MYCBP2: variants seen among roughly 807,000 people sequenced by gnomAD.
MYCBP2 encodes MYC binding protein 2.
Under a neutral mutation model 525.3 loss-of-function variants are expected in MYCBP2, and 120 were observed. That is an observed-to-expected ratio of 0.23 (90% CI 0.20 to 0.27). The LOEUF is 0.27. Ranked by LOEUF, MYCBP2 falls within the 10% of genes least tolerant of loss-of-function variation. MYCBP2 has a pLI of 1.00. For missense variants in MYCBP2, 4,149 were observed against 5,657.1 expected (o/e 0.73, Z 8.55); for synonymous variants, 1,894 against 1,955.8 (o/e 0.97, Z 0.83).
At chr13:77,227,635 A>G (rs2066484437) in intron 18 of MYCBP2, among the ~76,000 whole-genome samples, 1 of 152,218 alleles carries the variant, frequency 6.6e-6, no homozygotes, top group Non-Finnish European at 1.5e-5. Context: ...TAACATAGAA[A>G]ATACATTGTG....
chr13:77,240,532 T>C (rs1230927873), intron 17 of MYCBP2, among the ~76,000 whole-genome samples: 2 of 152,092 alleles, frequency 1.3e-5, no homozygotes, highest in Non-Finnish European at 2.9e-5. Flanking sequence ...CGCTTGAACC[T>C]GGGAGGGAGA....
intron 14 of MYCBP2, among the ~76,000 whole-genome samples, chr13:77,252,410 TAAGA>T (rs776414589): frequency 5.3e-5 from 8 of 152,178 alleles, no homozygotes; most frequent in Non-Finnish European, 1.2e-4. Flanking sequence ...TATAATGTAG[TAAGA>T]AAGACAGACA....
At chr13:77,162,411 T>A (rs182054489) in intron 43 of MYCBP2, among the ~76,000 whole-genome samples, 11 of 152,340 alleles carry the variant, frequency 7.2e-5, no homozygotes, top group Middle Eastern at 3.4e-3. Flanking sequence ...TATTAGTTAA[T>A]ATAGAACATA....
Position 77,081,223 on chromosome 13 carries a change from C to T in MYCBP2, c.11418+204G>A. 1.8e-6 allele frequency: 1 copy of T among 552,768 alleles called. No individual in the cohort carries two copies. Among genetic ancestry groups the T allele is most frequent in the Non-Finnish European group, 3.2e-6 (1 of 313,736 alleles). 34.2% of individuals were successfully genotyped at this position (552,768 alleles called of 1,614,324 possible). On this transcript the variant is annotated intron_variant, in intron 65 of 82. Coordinates refer to ENST00000544440, the MANE Select transcript of MYCBP2 (RefSeq NM_015057.5). This position sits in a 1 kb window ranked among gnomAD's most constrained non-coding sequence, Gnocchi z 4.6. ...AGCCATGGTATATTTGTAATCAGAC[C>T]TCTTTTCAGAAATGGAATTCCACAG...
At chr13:77,319,823 T>A (rs557082081) in intron 1 of MYCBP2, among the ~76,000 whole-genome samples, 64 of 152,200 alleles carry the variant, frequency 4.2e-4, no homozygotes, top group Non-Finnish European at 7.9e-4. Flanking sequence ...AGCCAGCCAA[T>A]AATCCAGCTT....
chr13:77,139,974 A>G, intron 51 of MYCBP2, 73 bp downstream of exon 51: 1 of 920,760 alleles, frequency 1.1e-6, no homozygotes, highest in Non-Finnish European at 1.6e-6. Flanking sequence ...AAACTCAGTA[A>G]CCTTATTATT....
intron 65 of MYCBP2, among the ~76,000 whole-genome samples, chr13:77,079,827 C>T (rs896336401): frequency 2.6e-5 from 4 of 152,158 alleles, no homozygotes; most frequent in Non-Finnish European, 4.4e-5. Flanking sequence ...GTTTCAGATT[C>T]TGTAGCATTT....
chr13:77,323,534 T>C (rs1359415822), intron 1 of MYCBP2, among the ~76,000 whole-genome samples: 1 of 152,210 alleles, frequency 6.6e-6, no homozygotes, highest in Non-Finnish European at 1.5e-5. Flanking sequence ...TTACCTAAAA[T>C]AGCCCCACTA....
chr13:77,295,621 C>A (rs1199959074), intron 2 of MYCBP2, among the ~76,000 whole-genome samples: 3 of 152,138 alleles, frequency 2.0e-5, no homozygotes, highest in Non-Finnish European at 4.4e-5. Context: ...ACAGGCCCAG[C>A]AAATCTATTG....
In MYCBP2 at chr13:77,270,340, C is replaced by T. The variant is rs773341917; in HGVS notation, c.1144G>A (p.Asp382Asn). Residue 382 changes from aspartate to asparagine, a missense_variant, in exon 6 of 83, where the codon GAT (aspartate) becomes AAT (asparagine). This residue lies in a region of MYCBP2 where 262 missense variants were observed against 419.3 expected (regional missense o/e 0.62). Coordinates refer to ENST00000544440, the MANE Select transcript of MYCBP2 (RefSeq NM_015057.5). Reference sequence around the variant, plus strand: ...CCAGAGCCTATTTTATATAATCCATCCTTGCATAATAGATAAAGAAAAAAT... The same window carrying T: ...CCAGAGCCTATTTTATATAATCCATTCTTGCATAATAGATAAAGAAAAAAT... ...DGFFLYLLCK[D>N]GLYKIGSGYS... 7.4e-6 allele frequency: 12 copies of T among 1,613,494 alleles called. No homozygotes were observed. In the South Asian group the frequency reaches 9.9e-5, roughly 13 times the overall value.
chr13:77,279,295 A>T (rs1413485422), intron 3 of MYCBP2, among the ~76,000 whole-genome samples: 2 of 152,228 alleles, frequency 1.3e-5, no homozygotes, highest in African/African-American at 2.4e-5. Context: ...TATTATTTAT[A>T]GTTGGTATCC....
rs2046445502 is a variant in MYCBP2, at chr13:77,097,568, T to C, written c.9586A>G (p.Lys3196Glu). ...SPGSCAVLKK[K>E]ECEKENKKSK... ...TTCTTATTCTCTTTCTCACACTCTT[T>C]CTTTTTAAGAACTGCACAGGAACCA... Residue 3196 changes from lysine to glutamate, a missense_variant, in exon 56 of 83, where the codon AAA becomes GAA. Physicochemically the swap from Lys to Glu is moderately conservative, Grantham distance 56 (BLOSUM62 1). Coordinates refer to ENST00000544440, the MANE Select transcript of MYCBP2 (RefSeq NM_015057.5). The C allele has an allele frequency of 6.2e-7, 1 of 1,613,286 alleles. No homozygotes were observed. Among genetic ancestry groups the C allele is most frequent in the Non-Finnish European group, 8.5e-7 (1 of 1,179,752 alleles).
intron 17 of MYCBP2, among the ~76,000 whole-genome samples, chr13:77,233,539 T>A (rs1400332059): frequency 6.6e-6 from 1 of 150,902 alleles, no homozygotes; most frequent in Non-Finnish European, 1.5e-5. Flanking sequence ...TAGTCTCAAA[T>A]AGATAATCAA....
chr13:77,176,323 T>C (rs1301864311), intron 36 of MYCBP2, among the ~76,000 whole-genome samples, 174 bp downstream of exon 36: 1 of 152,184 alleles, frequency 6.6e-6, no homozygotes, highest in Non-Finnish European at 1.5e-5. Context: ...AAATATAATA[T>C]AATGTGGTAC....
intron 55 of MYCBP2, among the ~76,000 whole-genome samples, chr13:77,104,688 C>T (rs1213137017): frequency 6.6e-6 from 1 of 152,084 alleles, no homozygotes; most frequent in African/African-American, 2.4e-5. Flanking sequence ...CCAACTCTGT[C>T]AAATACTGCT....
chr13:77,123,124 T>C (rs748358629), intron 54 of MYCBP2, among the ~76,000 whole-genome samples: 28 of 152,218 alleles, frequency 1.8e-4, no homozygotes, highest in Non-Finnish European at 8.8e-5. Flanking sequence ...TAAATTACCA[T>C]AGTGCCAAAT....
chr13:77,131,427 C>A (rs1055554451), intron 52 of MYCBP2, among the ~76,000 whole-genome samples: 22 of 151,700 alleles, frequency 1.5e-4, no homozygotes, highest in African/African-American at 5.3e-4. Context: ...GCTGAGAAGG[C>A]AGGACTCCTT....
intron 14 of MYCBP2, among the ~76,000 whole-genome samples, chr13:77,254,256 A>G (rs1388943129): frequency 6.6e-6 from 1 of 151,918 alleles, no homozygotes; most frequent in Admixed American, 6.6e-5. Context: ...GTAAAAATAT[A>G]TAAGAACATG....
intron 37 of MYCBP2, among the ~76,000 whole-genome samples, chr13:77,172,139 T>C (rs891202782): frequency 2.0e-5 from 3 of 152,130 alleles, no homozygotes; most frequent in Admixed American, 2.0e-4. Flanking sequence ...GACCTCGTGA[T>C]CCACCCATCT....
Sources: allele counts gnomAD v4.1 joint callset (sites outside exome capture counted in the v4.1 genomes callset), GRCh38; gene constraint gnomAD v4.1.1; regional missense constraint gnomAD v4.1.1; non-coding constraint Gnocchi (gnomAD v3.1); transcripts MANE v1.5; gene names NCBI Gene and HGNC (gene_info 2026-07-23, HGNC 2026-07-21).